Variants in ZSCAN25 observed in about 807,000 individuals in gnomAD.
ZSCAN25 encodes the protein zinc finger and SCAN domain-containing protein 25.
ZSCAN25 carries 27 observed loss-of-function variants against 38.7 expected under a neutral mutation model. The ratio of observed to expected loss-of-function variants is 0.70; its 90% CI spans 0.51 to 0.96. The LOEUF (loss-of-function observed/expected upper bound fraction) is 0.96, where lower values mean the gene tolerates loss of function less well. ZSCAN25 is among the 40% of genes least tolerant of loss of function. The pLI, the probability that ZSCAN25 is intolerant of heterozygous loss-of-function variation, is 0.00. For missense variants in ZSCAN25, 637 were observed against 705.9 expected (o/e 0.90, Z 1.11); for synonymous variants, 273 against 277.7 (o/e 0.98, Z 0.17).
chr7:99,697,920 G>T, the ZSCAN25 span, among the ~76,000 whole-genome samples: 1 of 152,164 alleles, frequency 6.6e-6, no homozygotes, highest in Non-Finnish European at 1.5e-5. Flanking sequence ...ACACTTTCTA[G>T]AAGTTACGTG....
chr7:99,731,695 C>G, the ZSCAN25 span, among the ~76,000 whole-genome samples: 5 of 152,252 alleles, frequency 3.3e-5, no homozygotes, highest in South Asian at 6.2e-4. Flanking sequence ...AAGCTCTGAC[C>G]CTGTTTTAGG....
Position 99,629,646 on chromosome 7 carries a change from C to T in ZSCAN25, c.1261C>T (p.His421Tyr). Residue 421 changes from histidine (H) to tyrosine (Y), a missense_variant, in exon 8 of 8, where the codon CAC becomes TAC. His to Tyr is a moderately conservative substitution (Grantham distance 83). Coordinates refer to ENST00000394152, the MANE Select transcript of ZSCAN25 (RefSeq NM_145115.3). The surrounding 1 kb of genome is among the most constrained non-coding windows in gnomAD (Gnocchi z 5.6). The stretch of plus-strand genomic sequence containing the variant: ...CAGCCAGAGACACCACCTGGAGGTG[C>T]ACCAGCGCAGCCACACTGGGGAGAA... ...TFSQRHHLEVHQRSHTGEKPY... is the reference protein window; with the variant it reads ...TFSQRHHLEVYQRSHTGEKPY... The T allele has an allele frequency of 6.2e-7, 1 of 1,614,084 alleles. No individual in the cohort carries two copies. Among genetic ancestry groups the T allele is most frequent in the Non-Finnish European group, 8.5e-7 (1 of 1,180,046 alleles).
downstream of ZSCAN25, among the ~76,000 whole-genome samples, chr7:99,635,492 A>G (rs1380711744): frequency 6.6e-6 from 1 of 152,208 alleles, no homozygotes; most frequent in African/African-American, 2.4e-5. Context: ...AACCTCTTAT[A>G]TCCTTAAAGA....
the ZSCAN25 span, chr7:99,700,029 G>T: frequency 1.2e-6 from 2 of 1,608,644 alleles, no homozygotes; most frequent in Non-Finnish European, 1.7e-6. Flanking sequence ...TTGGGATGAG[G>T]TCCATCGCCA....
At chr7:99,663,773 T>C in the ZSCAN25 span, 3 of 1,252,672 alleles carry the variant, frequency 2.4e-6, no homozygotes, top group Non-Finnish European at 3.0e-6. Flanking sequence ...TTTCAAGTTT[T>C]AAATGCTATC....
the ZSCAN25 span, among the ~76,000 whole-genome samples, chr7:99,736,820 C>A: frequency 1.3e-5 from 2 of 152,150 alleles, no homozygotes; most frequent in Non-Finnish European, 2.9e-5. Flanking sequence ...GATTCCTTGT[C>A]AGATTCAAGG....
At chr7:99,687,743 A>G in the ZSCAN25 span, among the ~76,000 whole-genome samples, 1 of 152,242 alleles carries the variant, frequency 6.6e-6, no homozygotes, top group Non-Finnish European at 1.5e-5. Context: ...GTTGAAATGA[A>G]GGAAAAAATG....
chr7:99,651,292 A>G, the ZSCAN25 span, among the ~76,000 whole-genome samples: 3 of 152,204 alleles, frequency 2.0e-5, no homozygotes, highest in Non-Finnish European at 4.4e-5. Context: ...ATATCACATG[A>G]ATTTATGGAT....
chr7:99,681,099 C>T, the ZSCAN25 span, among the ~76,000 whole-genome samples: 1 of 152,204 alleles, frequency 6.6e-6, no homozygotes, highest in Non-Finnish European at 1.5e-5. Flanking sequence ...ATGATGACCT[C>T]CAGTTCCATC....
At chr7:99,645,628 CTCTT>C in the ZSCAN25 span, among the ~76,000 whole-genome samples, 18 of 151,666 alleles carry the variant, frequency 1.2e-4, no homozygotes, top group South Asian at 2.5e-3. Context: ...TATTTTTTGA[CTCTT>C]TATTAATAGC....
At chr7:99,625,749 A>G (rs1351839155) in intron 7 of ZSCAN25, among the ~76,000 whole-genome samples, 1 of 152,022 alleles carries the variant, frequency 6.6e-6, no homozygotes, top group Non-Finnish European at 1.5e-5. Flanking sequence ...GAAGATTTTC[A>G]TGCTCTCCTG....
chr7:99,731,085 A>G, the ZSCAN25 span: 53 of 1,613,798 alleles, frequency 3.3e-5, no homozygotes, highest in Middle Eastern at 4.9e-4. Context: ...GCATTTCCCA[A>G]AAAAGGCAGA....
the ZSCAN25 span, chr7:99,676,607 T>C: frequency 1.5e-6 from 2 of 1,294,674 alleles, no homozygotes; most frequent in South Asian, 2.3e-5. Flanking sequence ...TTTTTTTGTC[T>C]TTTGCACTGA....
the ZSCAN25 span, among the ~76,000 whole-genome samples, chr7:99,726,814 G>A: frequency 3.3e-5 from 5 of 152,028 alleles, no homozygotes; most frequent in South Asian, 2.1e-4. Context: ...AAAGGATATC[G>A]GGTATCCCCC....
the ZSCAN25 span, chr7:99,714,495 G>A: frequency 6.2e-7 from 1 of 1,601,530 alleles, no homozygotes; most frequent in Non-Finnish European, 8.5e-7. Context: ...CCGATCATAT[G>A]TATATTTCTA....
the ZSCAN25 span, among the ~76,000 whole-genome samples, chr7:99,677,460 C>T: frequency 0.058 from 8,817 of 152,272 alleles, 529 homozygotes; most frequent in East Asian, 0.25. Context: ...GCAAATGGTG[C>T]AGTATGGCAT....
At chr7:99,621,184 A>G in intron 4 of ZSCAN25, 189 bp from the exon 5 acceptor site, 2 of 434,830 alleles carry the variant, frequency 4.6e-6, no homozygotes, top group Non-Finnish European at 7.7e-6. Context: ...TCAGGGCCTG[A>G]TGCATGAGTT....
chr7:99,619,757 C>T lies in ZSCAN25; in HGVS notation c.151C>T (p.Gln51Ter). 1 of 1,614,250 alleles carries T rather than the reference C, an allele frequency of 6.2e-7. No individual in the cohort carries two copies. The highest frequency in any genetic ancestry group is 8.5e-7 in the Non-Finnish European group (1 of 1,180,044). The change falls in exon 4 of 8, where the codon CAG becomes TAG. Residue 51 changes from glutamine (Q) to a stop codon, truncating the protein, a stop_gained. Coordinates refer to ENST00000394152, the MANE Select transcript of ZSCAN25 (RefSeq NM_145115.3). LOFTEE classifies it high-confidence loss of function. ...GCTGAGGTTTCGGCAGTTCCGCTAC[C>T]AGGAGGCAGCTGGACCCCAGGAAGC... ...FRLRFRQFRY[Q>*]EAAGPQEALR...
the ZSCAN25 span, among the ~76,000 whole-genome samples, chr7:99,691,043 C>T: frequency 6.6e-6 from 1 of 152,250 alleles, no homozygotes; most frequent in Non-Finnish European, 1.5e-5. Context: ...GGAACCAACC[C>T]AAATGTCCAA....
Sources: allele counts gnomAD v4.1 joint callset (sites outside exome capture counted in the v4.1 genomes callset), GRCh38; gene constraint gnomAD v4.1.1; non-coding constraint Gnocchi (gnomAD v3.1); transcripts MANE v1.5; gene names NCBI Gene and HGNC (gene_info 2026-07-23, HGNC 2026-07-21).